Variants in PARP15 observed in about 807,000 individuals in gnomAD.
PARP15 encodes the protein poly(ADP-ribose) polymerase family member 15.
Under a neutral mutation model 62.1 loss-of-function variants are expected in PARP15, and 50 were observed. The ratio of observed to expected loss-of-function variants is 0.81; its 90% confidence interval spans 0.64 to 1.02. The LOEUF is 1.02. Among genes scored for constraint, PARP15 ranks in the 50% least tolerant of loss-of-function variants. The pLI is 0.00. For missense variants in PARP15, 820 were observed against 826.5 expected (o/e 0.99, Z 0.10); for synonymous variants, 309 against 293.1 (o/e 1.05, Z -0.55).
rs996788938 is a variant in PARP15, at chr3:122,636,425, T to A, written c.*325T>A. 1.3e-4 allele frequency: 37 copies of A among 275,226 alleles called. No individual in the cohort carries two copies. Among genetic ancestry groups the A allele is most frequent in the Non-Finnish European group, 2.2e-4 (31 of 143,572 alleles). The allele number at this position is 275,226 out of a possible 1,614,324, so 17.0% of individuals were successfully genotyped here. A position where few individuals can be genotyped will look rare whatever the true frequency, so the allele number is the denominator to read the frequency against. The stretch of plus-strand genomic sequence containing the variant: ...AAGATGCATCACCTTAAAACCAAGA[T>A]GACATTGTTCTTCTTGGAACATGTT... On this transcript the variant is annotated 3_prime_UTR_variant, in exon 12 of 12. Transcript: ENST00000464300.
chr3:122,593,469 C>A (rs987404841), intron 1 of PARP15, among the ~76,000 whole-genome samples: 69 of 152,060 alleles, frequency 4.5e-4, no homozygotes, highest in Admixed American at 9.2e-4. Context: ...ACGTTTTTAT[C>A]TATGTTATTA....
intron 4 of PARP15, 188 bp from the exon 5 acceptor site, chr3:122,615,591 C>T: frequency 7.7e-7 from 1 of 1,297,370 alleles, no homozygotes; most frequent in Non-Finnish European, 1.1e-6. Flanking sequence ...TAAAGCAAAT[C>T]AGCACTGCTA....
chr3:122,628,351 A>G lies in PARP15; in HGVS notation c.1438+1318A>G, dbSNP rs535519535. On this transcript the variant is annotated intron_variant, in intron 9 of 11. Transcript: ENST00000464300. ...TCAGCTAGAGGGGGTCACCATCCGAAGCAATGGGGAATAGCTGTTCCCCAG... is the reference window on the plus strand; with the variant it reads ...TCAGCTAGAGGGGGTCACCATCCGAGGCAATGGGGAATAGCTGTTCCCCAG... Among the ~76,000 whole-genome samples the G allele has an allele frequency of 1.0e-3, 157 of 152,334 alleles. 1 individual carries two copies. Among genetic ancestry groups the G allele is most frequent in the Admixed American group, 2.9e-3 (45 of 15,298 alleles).
chr3:122,594,719 A>G, intron 1 of PARP15: 2 of 957,422 alleles, frequency 2.1e-6, no homozygotes, highest in South Asian at 4.8e-5. Flanking sequence ...TAAAATTACA[A>G]TACCAATAAG....
Position 122,577,870 on chromosome 3 carries a change from A to T in PARP15, c.186+17A>T, listed in dbSNP as rs1311118625. 2.6e-6 allele frequency: 4 copies of T among 1,531,804 alleles called. No homozygotes were observed. In the African/African-American group the frequency reaches 5.5e-5, roughly 21 times the overall value. 94.9% of individuals were successfully genotyped at this position (1,531,804 alleles called of 1,614,324 possible). A position where few individuals can be genotyped will look rare whatever the true frequency, so the allele number is the denominator to read the frequency against. On this transcript the variant is annotated intron_variant, in intron 1 of 11. Transcript: ENST00000464300. Reference sequence around the variant, plus strand: ...CGGAGTATGGTGAGGAGCGCGGGGGACGGGTGCGGGAAGGGGACAGCAGGG... The same window carrying T: ...CGGAGTATGGTGAGGAGCGCGGGGGTCGGGTGCGGGAAGGGGACAGCAGGG...
In PARP15 at chr3:122,632,087, T is replaced by C. The variant is rs746565684; in HGVS notation, c.1440T>C (p.Cys480=). The C allele has an allele frequency of 8.1e-6, 13 of 1,614,042 alleles. No individual in the cohort carries two copies. Among genetic ancestry groups the C allele is most frequent in the Non-Finnish European group, 1.1e-5 (13 of 1,179,974 alleles). ...TTTGACCAAATGCTGACTTTCCAGG[T>C]AATCTTCCTGAACACTGGACTGACA... ...NFQSTFSMTT[C]NLPEHWTDMN... is the part of the protein sequence containing the mutation. The change falls in exon 10 of 12, where the codon TGT becomes TGC. Residue 480 remains cysteine, a splice_region_variant and synonymous_variant. Coordinates refer to ENST00000464300, the MANE Select transcript of PARP15 (RefSeq NM_001113523.3).
At chr3:122,597,346 G>C (rs1576492600) in intron 1 of PARP15, among the ~76,000 whole-genome samples, 2 of 37,740 alleles carry the variant, frequency 5.3e-5, no homozygotes, top group East Asian at 2.4e-3. Context: ...CATAGCAAGT[G>C]GTTTTTTTTT....
At chr3:122,597,156 T>C (rs1325140420) in intron 1 of PARP15, among the ~76,000 whole-genome samples, 2 of 152,186 alleles carry the variant, frequency 1.3e-5, no homozygotes, top group Non-Finnish European at 1.5e-5. Flanking sequence ...TCTTGCTGTG[T>C]CCTCACGTGG....
intron 8 of PARP15, among the ~76,000 whole-genome samples, chr3:122,621,893 G>A (rs983930209): frequency 1.3e-5 from 2 of 152,124 alleles, no homozygotes; most frequent in Non-Finnish European, 2.9e-5. Flanking sequence ...CCTCCTCCCA[G>A]GCTCACGCAA....
At chr3:122,596,991 G>T (rs1354655344) in intron 1 of PARP15, among the ~76,000 whole-genome samples, 1 of 152,182 alleles carries the variant, frequency 6.6e-6, no homozygotes, top group African/African-American at 2.4e-5. Context: ...GTCTTAGTCT[G>T]TTCAGGCTAC....
Position 122,601,229 on chromosome 3 carries a change from G to A in PARP15, c.187-4707G>A, listed in dbSNP as rs938226594. On this transcript the variant is annotated intron_variant, in intron 1 of 11. Coordinates refer to ENST00000464300, the MANE Select transcript of PARP15 (RefSeq NM_001113523.3). ...AGTAGAGATGGGGTTTCACCATGTT[G>A]GCCAGGCTGGTCTCAAACGCCTGAC... Among the ~76,000 whole-genome samples the A allele has an allele frequency of 3.3e-5, 5 of 151,828 alleles. No homozygotes were observed. In the South Asian group the frequency reaches 8.3e-4, roughly 25 times the overall value.
At chr3:122,580,005 A>G (rs78683293) in intron 1 of PARP15, among the ~76,000 whole-genome samples, 11,780 of 82,014 alleles carry the variant, frequency 0.14, 1,126 homozygotes, top group African/African-American at 0.27. Context: ...ATATGTATAT[A>G]TATATATATA....
intron 8 of PARP15, among the ~76,000 whole-genome samples, chr3:122,623,491 G>A (rs1936480840): frequency 6.6e-6 from 1 of 152,210 alleles, no homozygotes; most frequent in Non-Finnish European, 1.5e-5. Flanking sequence ...AGAGAAGAGG[G>A]CTGAGACCAG....
At chr3:122,635,328 TA>T in intron 11 of PARP15, 134 bp downstream of exon 11, 1 of 729,562 alleles carries the variant, frequency 1.4e-6, no homozygotes, top group Non-Finnish European at 2.1e-6. Context: ...TGTTTCACTG[TA>T]AAGGAGACTG....
chr3:122,607,446 T>C (rs1422923745), intron 2 of PARP15, among the ~76,000 whole-genome samples: 1 of 152,218 alleles, frequency 6.6e-6, no homozygotes, highest in African/African-American at 2.4e-5. Flanking sequence ...ATATGGATGA[T>C]GGTGATATGA....
rs764531682 is a variant in PARP15 at position 122,635,116 on chromosome 3, C to G, written c.1669C>G (p.Leu557Val). Reference protein sequence around the residue: ...KNDHKNNERLLFHGTDADSVP... With the variant: ...KNDHKNNERLVFHGTDADSVP... Reference sequence around the variant, plus strand: ...TGACCATAAGAATAATGAGAGACTCCTCTTCCATGGGACAGATGCAGACTC... The same window carrying G: ...TGACCATAAGAATAATGAGAGACTCGTCTTCCATGGGACAGATGCAGACTC... Residue 557 changes from leucine (L) to valine (V), a missense_variant, in exon 11 of 12, where the codon CTC becomes GTC. Around this residue, in one of 3 missense-constraint regions of PARP15, gnomAD observed 731 missense variants for 727.7 expected, o/e 1.00. Transcript: ENST00000464300. 9.9e-6 allele frequency: 16 copies of G among 1,613,946 alleles called. No homozygotes were observed. Among genetic ancestry groups the G allele is most frequent in the Non-Finnish European group, 1.4e-5 (16 of 1,179,966 alleles).
At chr3:122,580,083 A>G (rs1046795567) in intron 1 of PARP15, among the ~76,000 whole-genome samples, 13 of 148,692 alleles carry the variant, frequency 8.7e-5, no homozygotes, top group African/African-American at 3.2e-4. Context: ...TATGGACACA[A>G]TATGATCTAT....
chr3:122,596,965 A>C (rs1390932578), intron 1 of PARP15, among the ~76,000 whole-genome samples: 1 of 152,246 alleles, frequency 6.6e-6, no homozygotes, highest in African/African-American at 2.4e-5. Context: ...AAAGGAGCTT[A>C]ACTTTCAATA....
intron 1 of PARP15, among the ~76,000 whole-genome samples, chr3:122,597,085 CA>C (rs1934409801): frequency 6.6e-6 from 1 of 152,156 alleles, no homozygotes; most frequent in Non-Finnish European, 1.5e-5. Context: ...AGTCCAAGAT[CA>C]AAACACTAGC....
Sources: allele counts gnomAD v4.1 joint callset (sites outside exome capture counted in the v4.1 genomes callset), GRCh38; gene constraint gnomAD v4.1.1; regional missense constraint gnomAD v4.1.1; transcripts MANE v1.5; gene names NCBI Gene and HGNC (gene_info 2026-07-23, HGNC 2026-07-21).